Variants in C1QL1 observed in about 807,000 individuals in gnomAD.
C1QL1 encodes C1q-related factor.
C1QL1 carries 15 observed loss-of-function variants against 14.2 expected under a neutral mutation model. The observed-to-expected ratio is 1.06, with a 90% confidence interval of 0.71 to 1.62. The LOEUF is 1.62. Ranked by LOEUF, C1QL1 falls within the 40% of genes most tolerant of loss-of-function variation. C1QL1 has a pLI of 0.00. For missense variants in C1QL1, 346 were observed against 380.3 expected (o/e 0.91, Z 0.75); for synonymous variants, 172 against 172.4 (o/e 1.00, Z 0.02).
At chr17:44,965,195 G>A (rs1349232972) in intron 1 of C1QL1, among the ~76,000 whole-genome samples, 1 of 152,156 alleles carries the variant, frequency 6.6e-6, no homozygotes. Flanking sequence ...TGTATTTTTA[G>A]TAGAGATGGG....
chr17:44,960,131 C>T lies in C1QL1; in HGVS notation c.*57G>A, dbSNP rs2052619339. 1 of 1,529,084 alleles carries T rather than the reference C, an allele frequency of 6.5e-7. No homozygotes were observed. Among genetic ancestry groups the T allele is most frequent in the Admixed American group, 1.7e-5 (1 of 59,180 alleles). The allele number at this position is 1,529,084 out of a possible 1,614,324, so 94.7% of individuals were successfully genotyped here. On this transcript the variant is annotated 3_prime_UTR_variant, in exon 2 of 2. Transcript: ENST00000253407. Reference sequence around the variant, plus strand: ...GGCGAGGGGCGAGTCATCGTCTGCCCCGCCCGGAGGGGACCCCGGCGGGTG... The same window carrying T: ...GGCGAGGGGCGAGTCATCGTCTGCCTCGCCCGGAGGGGACCCCGGCGGGTG...
In C1QL1 at chr17:44,968,255, C is replaced by T. The variant is rs2143031893; in HGVS notation, c.-207G>A. Among the ~76,000 whole-genome samples the T allele has an allele frequency of 6.7e-6, 1 of 148,804 alleles. No homozygotes were observed. The highest frequency in any genetic ancestry group is 2.1e-4 in the South Asian group (1 of 4,814). On this transcript the variant is annotated 5_prime_UTR_variant, in exon 1 of 2. Transcript: ENST00000253407. Reference sequence around the variant, plus strand: ...GCTGCGCTGGCTGCGCTGCGGAGCCCAGCCGCCGGCTCCTGCCTCGCGCCT... The same window carrying T: ...GCTGCGCTGGCTGCGCTGCGGAGCCTAGCCGCCGGCTCCTGCCTCGCGCCT...
In C1QL1 at chr17:44,967,307, G is replaced by T; in HGVS notation, c.597+145C>A. Reference sequence around the variant, plus strand: ...CCGCTGGCTCCGACCATCCCCACACGTGATGACCAAGCGGGGCCGCTGTGG... The same window carrying T: ...CCGCTGGCTCCGACCATCCCCACACTTGATGACCAAGCGGGGCCGCTGTGG... On this transcript the variant is annotated intron_variant, in intron 1 of 1. Coordinates refer to ENST00000253407, the MANE Select transcript of C1QL1 (RefSeq NM_006688.5). This position sits in a 1 kb window ranked among gnomAD's most constrained non-coding sequence, Gnocchi z 7.0. 5.9e-6 allele frequency: 5 copies of T among 848,900 alleles called. No individual in the cohort carries two copies. Among genetic ancestry groups the T allele is most frequent in the Non-Finnish European group, 9.2e-6 (5 of 545,912 alleles). The allele number at this position is 848,900 out of a possible 1,614,324, so 52.6% of individuals were successfully genotyped here.
intron 1 of C1QL1, among the ~76,000 whole-genome samples, chr17:44,966,795 A>G (rs895822165): frequency 2.1e-5 from 2 of 95,628 alleles, no homozygotes; most frequent in Non-Finnish European, 4.3e-5. Context: ...CTCAGGAGGA[A>G]AAACTCCCCC....
intron 1 of C1QL1, among the ~76,000 whole-genome samples, chr17:44,963,827 C>G (rs2052641386): frequency 6.6e-6 from 1 of 152,216 alleles, no homozygotes; most frequent in Non-Finnish European, 1.5e-5. Flanking sequence ...TGATACTCAC[C>G]TCCCCACAGC....
rs574897854 is a variant in C1QL1, at chr17:44,960,467, A to G, written c.598-100T>C. On this transcript the variant is annotated intron_variant, in intron 1 of 1. Transcript: ENST00000253407. ...TGGGGGAGGATCAGCAGACCCAGAA[A>G]CCTGGCCTCCAGCCTCGCCTCATCC... 25 of 745,428 alleles carry G rather than the reference A, an allele frequency of 3.4e-5. No individual in the cohort carries two copies. The East Asian group carries it at 4.2e-4, about 13-fold the overall frequency. The allele number at this position is 745,428 out of a possible 1,614,324, so 46.2% of individuals were successfully genotyped here.
Position 44,968,066 on chromosome 17 carries a change from C to T in C1QL1, c.-18G>A. The T allele has an allele frequency of 7.7e-7, 1 of 1,293,074 alleles. No individual in the cohort carries two copies. Among genetic ancestry groups the T allele is most frequent in the Non-Finnish European group, 9.8e-7 (1 of 1,019,950 alleles). The allele number at this position is 1,293,074 out of a possible 1,614,324, so 80.1% of individuals were successfully genotyped here. A position where few individuals can be genotyped will look rare whatever the true frequency, so the allele number is the denominator to read the frequency against. On this transcript the variant is annotated 5_prime_UTR_variant, in exon 1 of 2. Transcript: ENST00000253407. ...AGCAGCATCACCACACCCGCGGCGG[C>T]CGCTAGCAGCGTCTTTCGGCCCGCG...
chr17:44,967,937 G>T lies in C1QL1; in HGVS notation c.112C>A (p.Arg38=), dbSNP rs748363080. The part of the protein sequence containing the change: ...CRMVCDPYPA[R]GPGAGARTDG... Reference sequence around the variant, plus strand: ...GTCCGCGCGCCGGCGCCGGGGCCCCGCGCGGGGTAGGGGTCGCACACCATG... The same window carrying T: ...GTCCGCGCGCCGGCGCCGGGGCCCCTCGCGGGGTAGGGGTCGCACACCATG... Residue 38 remains arginine, a synonymous_variant, in exon 1 of 2, where the codon CGG becomes AGG. Coordinates refer to ENST00000253407, the MANE Select transcript of C1QL1 (RefSeq NM_006688.5). The surrounding 1 kb of genome is among the most constrained non-coding windows in gnomAD (Gnocchi z 7.0). 4.7e-6 allele frequency: 6 copies of T among 1,286,972 alleles called. No individual in the cohort carries two copies. Among genetic ancestry groups the T allele is most frequent in the Non-Finnish European group, 5.9e-6 (6 of 1,021,878 alleles). 79.7% of individuals were successfully genotyped at this position (1,286,972 alleles called of 1,614,324 possible). A position where few individuals can be genotyped will look rare whatever the true frequency, so the allele number is the denominator to read the frequency against.
At position 44,960,005 on chromosome 17, in the gene C1QL1, G is replaced by A; in HGVS notation, c.*183C>T. 4.9e-6 allele frequency: 3 copies of A among 614,438 alleles called. 1 individual carries two copies. In the South Asian group the frequency reaches 5.8e-5, roughly 12 times the overall value. 38.1% of individuals were successfully genotyped at this position (614,438 alleles called of 1,614,324 possible). The stretch of plus-strand genomic sequence containing the variant: ...ACGGGGACAGGGCGCGCTGGGCCCG[G>A]CTCTGCAGCGAGCCGGTGGGAGGGC... On this transcript the variant is annotated 3_prime_UTR_variant, in exon 2 of 2. Transcript: ENST00000253407.
chr17:44,960,323 G>A lies in C1QL1; in HGVS notation c.642C>T (p.Asp214=). 1.9e-6 allele frequency: 3 copies of A among 1,614,168 alleles called. No homozygotes were observed. In the South Asian group the frequency reaches 3.3e-5, roughly 18 times the overall value. The change falls in exon 2 of 2, where the codon GAC becomes GAT. Residue 214 remains aspartate, a synonymous_variant. Coordinates refer to ENST00000253407, the MANE Select transcript of C1QL1 (RefSeq NM_006688.5). ...AIAQDADQNY[D]YASNSVILHL... ...GCAGGATCACGCTGTTGCTGGCGTA[G>A]TCGTAGTTCTGGTCCGCGTCCTGGG...
Position 44,967,564 on chromosome 17 carries a change from G to A in C1QL1, c.485C>T (p.Ala162Val), listed in dbSNP as rs1376080479. 3.7e-6 allele frequency: 6 copies of A among 1,614,130 alleles called. No homozygotes were observed. Among genetic ancestry groups the A allele is most frequent in the Non-Finnish European group, 3.4e-6 (4 of 1,179,962 alleles). Reference protein sequence around the residue: ...VTNLGNNYDAASGKFTCNIPG... With the variant: ...VTNLGNNYDAVSGKFTCNIPG... ...AATGTTGCACGTAAACTTGCCGCTGGCCGCGTCGTAGTTGTTGCCTAGGTT... is the reference window on the plus strand; with the variant it reads ...AATGTTGCACGTAAACTTGCCGCTGACCGCGTCGTAGTTGTTGCCTAGGTT... Residue 162 changes from alanine (A) to valine (V), a missense_variant, in exon 1 of 2, where the codon GCC (alanine) becomes GTC (valine). Transcript: ENST00000253407. This position sits in a 1 kb window ranked among gnomAD's most constrained non-coding sequence, Gnocchi z 7.0.
chr17:44,967,654 AAG>A lies in C1QL1; in HGVS notation c.393_394del (p.Phe132LeufsTer17). The A allele has an allele frequency of 6.2e-7, 1 of 1,613,630 alleles. No individual in the cohort carries two copies. The highest frequency in any genetic ancestry group is 8.5e-7 in the Non-Finnish European group (1 of 1,179,860). ...GTGGGGGTTCTTGAGGCCGGCGTAG[AAG>A]GCCACGCGCGGCACCGTGGTGTAGG... On this transcript the variant is annotated frameshift_variant, in exon 1 of 2. Transcript: ENST00000253407. LOFTEE classifies it high-confidence loss of function. This position sits in a 1 kb window ranked among gnomAD's most constrained non-coding sequence, Gnocchi z 7.0.
chr17:44,967,517 A>G lies in C1QL1; in HGVS notation c.532T>C (p.Tyr178His). ...CNIPGTYFFT[Y>H]HVLMRGGDGT... ...TCGCCGCCGCGCATGAGGACATGGTAGGTGAAAAAGTAGGTGCCGGGAATG... is the reference window on the plus strand; with the variant it reads ...TCGCCGCCGCGCATGAGGACATGGTGGGTGAAAAAGTAGGTGCCGGGAATG... The change falls in exon 1 of 2, where the codon TAC becomes CAC. Residue 178 changes from tyrosine to histidine, a missense_variant. Coordinates refer to ENST00000253407, the MANE Select transcript of C1QL1 (RefSeq NM_006688.5). This position sits in a 1 kb window ranked among gnomAD's most constrained non-coding sequence, Gnocchi z 7.0. The G allele has an allele frequency of 1.2e-6, 2 of 1,613,990 alleles. No homozygotes were observed. The highest frequency in any genetic ancestry group is 1.7e-6 in the Non-Finnish European group (2 of 1,179,918).
At chr17:44,965,815 G>A (rs1328128584) in intron 1 of C1QL1, among the ~76,000 whole-genome samples, 2 of 152,234 alleles carry the variant, frequency 1.3e-5, no homozygotes, top group East Asian at 3.8e-4. Flanking sequence ...TGAAACCTCA[G>A]CTCTGTGTCA....
Position 44,967,949 on chromosome 17 carries a change from G to T in C1QL1, c.100C>A (p.Pro34Thr). ...GCGCCGGGGCCCCGCGCGGGGTAGG[G>T]GTCGCACACCATGCGGCAGGTGCCC... ...MLGTCRMVCD[P>T]YPARGPGAGA... is the part of the protein sequence containing the mutation. Residue 34 changes from proline (P) to threonine (T), a missense_variant, in exon 1 of 2, where the codon CCC becomes ACC. Transcript: ENST00000253407. The surrounding 1 kb of genome is among the most constrained non-coding windows in gnomAD (Gnocchi z 7.0). 1 of 1,329,434 alleles carries T rather than the reference G, an allele frequency of 7.5e-7. No individual in the cohort carries two copies. The allele number at this position is 1,329,434 out of a possible 1,614,324, so 82.4% of individuals were successfully genotyped here.
rs1597911589 is a variant in C1QL1 at position 44,968,021 on chromosome 17, G to C, written c.28C>G (p.Pro10Ala). The C allele has an allele frequency of 7.2e-7, 1 of 1,380,504 alleles. No homozygotes were observed. Among genetic ancestry groups the C allele is most frequent in the Non-Finnish European group, 9.4e-7 (1 of 1,063,970 alleles). 85.5% of individuals were successfully genotyped at this position (1,380,504 alleles called of 1,614,324 possible). MLLVLVVLI[P>A]VLVSSGGPEG... Reference sequence around the variant, plus strand: ...GGGCCGCCCGAGCTCACCAGCACGGGGATGAGCACCACCAGCACCAGCAGC... The same window carrying C: ...GGGCCGCCCGAGCTCACCAGCACGGCGATGAGCACCACCAGCACCAGCAGC... The change falls in exon 1 of 2, where the codon CCC becomes GCC. Residue 10 changes from proline (P) to alanine (A), a missense_variant. By Grantham distance (27) the Pro-to-Ala change is conservative (BLOSUM62 -1). Coordinates refer to ENST00000253407, the MANE Select transcript of C1QL1 (RefSeq NM_006688.5).
chr17:44,966,182 G>T (rs867076630), intron 1 of C1QL1, among the ~76,000 whole-genome samples: 1 of 152,198 alleles, frequency 6.6e-6, no homozygotes, highest in South Asian at 2.1e-4. Flanking sequence ...GAGAAAAGGT[G>T]TTGGCGGGGC....
At chr17:44,964,184 C>T (rs1045286547) in intron 1 of C1QL1, among the ~76,000 whole-genome samples, 5 of 152,152 alleles carry the variant, frequency 3.3e-5, no homozygotes, top group Admixed American at 3.3e-4. Context: ...GAGGCAGAGC[C>T]CAGATTCAGC....
chr17:44,960,389 G>T (rs2052621268), intron 1 of C1QL1, 22 bp from the exon 2 acceptor site: 42 of 1,590,910 alleles, frequency 2.6e-5, no homozygotes, highest in Non-Finnish European at 3.4e-5. Context: ...GGACACGGGA[G>T]GGAGGGCGAG....
Sources: allele counts gnomAD v4.1 joint callset (sites outside exome capture counted in the v4.1 genomes callset), GRCh38; gene constraint gnomAD v4.1.1; non-coding constraint Gnocchi (gnomAD v3.1); transcripts MANE v1.5; gene names NCBI Gene and HGNC (gene_info 2026-07-23, HGNC 2026-07-21).